The following VIPR1 variants were observed in gnomAD, a reference collection of about 807,000 sequenced individuals.
VIPR1 encodes vasoactive intestinal polypeptide receptor 1.
A neutral mutation model predicts 58.8 loss-of-function variants in VIPR1; 59 were observed. That is an observed-to-expected ratio of 1.00 (90% confidence interval 0.81 to 1.25). VIPR1 has a LOEUF of 1.25. Among genes scored for constraint, VIPR1 ranks in the 50% most tolerant of loss-of-function variants. The probability of loss-of-function intolerance (pLI) is 0.00; values close to 1 mark genes in which losing one functional copy is unlikely to be tolerated. For synonymous variants in VIPR1, 251 were observed against 242.1 expected (o/e 1.04, Z -0.34); for missense variants, 626 against 602.7 (o/e 1.04, Z -0.40).
intron 2 of VIPR1, among the ~76,000 whole-genome samples, chr3:42,514,659 A>T (rs1700537478): frequency 6.6e-6 from 1 of 152,000 alleles, no homozygotes. Context: ...GGCCAGATGA[A>T]CCATCAGCTC....
intron 3 of VIPR1, among the ~76,000 whole-genome samples, chr3:42,519,897 T>C (rs938191429): frequency 1.3e-5 from 2 of 152,150 alleles, no homozygotes; most frequent in South Asian, 2.1e-4. Flanking sequence ...ACAAACACAG[T>C]GGAGAGAGGA....
chr3:42,532,391 T>A, intron 10 of VIPR1, 58 bp downstream of exon 10: 1 of 1,529,350 alleles, frequency 6.5e-7, no homozygotes, highest in Admixed American at 1.7e-5. Flanking sequence ...CCTCAAATCA[T>A]CCCACATCTC....
At position 42,502,747 on chromosome 3, in the gene VIPR1, A is replaced by T; in HGVS notation, c.12A>T (p.Pro4=). 1 of 1,313,312 alleles carries T rather than the reference A, an allele frequency of 7.6e-7. No individual in the cohort carries two copies. Among genetic ancestry groups the T allele is most frequent in the Non-Finnish European group, 9.7e-7 (1 of 1,034,098 alleles). 81.4% of individuals were successfully genotyped at this position (1,313,312 alleles called of 1,614,324 possible). The change falls in exon 1 of 13, where the codon CCA becomes CCT. Residue 4 remains proline (P), a synonymous_variant. Transcript: ENST00000325123. The part of the protein sequence containing the change: MRP[P]SPLPARWLCV... ...GCTCAGGGCAGACCATGCGCCCGCCAAGTCCGCTGCCCGCCCGCTGGCTAT... is the reference window on the plus strand; with the variant it reads ...GCTCAGGGCAGACCATGCGCCCGCCTAGTCCGCTGCCCGCCCGCTGGCTAT...
At chr3:42,523,796 G>T (rs1460247690) in intron 3 of VIPR1, among the ~76,000 whole-genome samples, 1 of 152,056 alleles carries the variant, frequency 6.6e-6, no homozygotes, top group South Asian at 2.1e-4. Flanking sequence ...CAGCTTCAAG[G>T]CTGGGTGATT....
intron 1 of VIPR1, among the ~76,000 whole-genome samples, chr3:42,505,595 G>C (rs1391734475): frequency 6.6e-6 from 1 of 152,208 alleles, no homozygotes; most frequent in Non-Finnish European, 1.5e-5. Flanking sequence ...AGTTAGGCCT[G>C]GCCAGGGCTC....
At chr3:42,503,691 A>C (rs377521) in intron 1 of VIPR1, among the ~76,000 whole-genome samples, 73,844 of 151,918 alleles carry the variant, frequency 0.49, 18,917 homozygotes, top group Admixed American at 0.62. Flanking sequence ...CATTGAGTCT[A>C]CTGAAGCCCA....
chr3:42,528,084 C>T lies in VIPR1; in HGVS notation c.597C>T (p.Leu199=). ...AAAVFIKDLA[L]FDSGESDQCS... Reference sequence around the variant, plus strand: ...CTGTCTTCATCAAAGACTTGGCCCTCTTCGACAGCGGGGAGTCGGACCAGT... The same window carrying T: ...CTGTCTTCATCAAAGACTTGGCCCTTTTCGACAGCGGGGAGTCGGACCAGT... Residue 199 remains leucine (L), a synonymous_variant, in exon 6 of 13, where the codon CTC becomes CTT. Transcript: ENST00000325123. The T allele has an allele frequency of 6.2e-7, 1 of 1,614,082 alleles. No individual in the cohort carries two copies. The highest frequency in any genetic ancestry group is 2.2e-5 in the East Asian group (1 of 44,886).
At chr3:42,519,120 C>T (rs992796261) in intron 2 of VIPR1, 103 bp from the exon 3 acceptor site, 50 of 937,122 alleles carry the variant, frequency 5.3e-5, no homozygotes, top group Non-Finnish European at 7.0e-5. Context: ...GAGGTGGGAG[C>T]CTGGCAGAGG....
At position 42,536,329 on chromosome 3, in the gene VIPR1, C is replaced by G; in HGVS notation, c.*48C>G. 5 of 1,475,920 alleles carry G rather than the reference C, an allele frequency of 3.4e-6. No individual in the cohort carries two copies. Among genetic ancestry groups the G allele is most frequent in the Non-Finnish European group, 4.5e-6 (5 of 1,118,746 alleles). The allele number at this position is 1,475,920 out of a possible 1,614,324, so 91.4% of individuals were successfully genotyped here. A position where few individuals can be genotyped will look rare whatever the true frequency, so the allele number is the denominator to read the frequency against. The stretch of plus-strand genomic sequence containing the variant: ...AGGCGGCCCCTCCCGCCCCTTCCCA[C>G]TCACCCCGGCAGACGCCGGGGACAG... On this transcript the variant is annotated 3_prime_UTR_variant, in exon 13 of 13. Coordinates refer to ENST00000325123, the MANE Select transcript of VIPR1 (RefSeq NM_004624.4).
At chr3:42,526,770 T>C (rs1701252772) in intron 4 of VIPR1, among the ~76,000 whole-genome samples, 1 of 152,142 alleles carries the variant, frequency 6.6e-6, no homozygotes, top group Non-Finnish European at 1.5e-5. Context: ...GTGGCTGTCG[T>C]GCTGCACTGC....
At position 42,530,918 on chromosome 3, in the gene VIPR1, T is replaced by C. The variant is rs1701508224; in HGVS notation, c.776T>C (p.Ile259Thr). Reference sequence around the variant, plus strand: ...GAGCGGAAGTACTTCTGGGGGTACATACTCATCGGCTGGGGTATGGTACCA... The same window carrying C: ...GAGCGGAAGTACTTCTGGGGGTACACACTCATCGGCTGGGGTATGGTACCA... Reference protein sequence around the residue: ...FSERKYFWGYILIGWGVPSTF... With the variant: ...FSERKYFWGYTLIGWGVPSTF... Residue 259 changes from isoleucine (I) to threonine (T), a missense_variant, in exon 7 of 13, where the codon ATA becomes ACA. Ile to Thr is a moderately conservative substitution (Grantham distance 89, BLOSUM62 -1). Transcript: ENST00000325123. 1 of 1,613,906 alleles carries C rather than the reference T, an allele frequency of 6.2e-7. No individual in the cohort carries two copies. The highest frequency in any genetic ancestry group is 8.5e-7 in the Non-Finnish European group (1 of 1,179,932).
chr3:42,529,143 A>G (rs1166533972), intron 6 of VIPR1, among the ~76,000 whole-genome samples: 1 of 152,192 alleles, frequency 6.6e-6, no homozygotes, highest in East Asian at 1.9e-4. Flanking sequence ...AGAAGCACAG[A>G]TAACTGTCCT....
chr3:42,491,097 C>T (rs900194357), intron 1 of VIPR1, among the ~76,000 whole-genome samples: 1 of 152,062 alleles, frequency 6.6e-6, no homozygotes, highest in African/African-American at 2.4e-5. Flanking sequence ...GGAGGATGCC[C>T]GTGCGCAGAA....
At chr3:42,505,348 C>T (rs923176045) in intron 1 of VIPR1, among the ~76,000 whole-genome samples, 2 of 152,268 alleles carry the variant, frequency 1.3e-5, no homozygotes, top group Non-Finnish European at 2.9e-5. Flanking sequence ...GGAGGAGTCC[C>T]AGGGACTGGG....
intron 3 of VIPR1, among the ~76,000 whole-genome samples, chr3:42,522,097 A>T (rs1249088588): frequency 2.3e-5 from 1 of 44,144 alleles, no homozygotes; most frequent in African/African-American, 1.4e-4. Flanking sequence ...ATATATATAT[A>T]TATATTTTTT....
At chr3:42,521,596 C>A (rs1488532778) in intron 3 of VIPR1, 1 of 152,074 alleles carries the variant, frequency 6.6e-6, no homozygotes, top group East Asian at 1.9e-4. Context: ...ACAGGGAAAG[C>A]TAAATAAACC....
intron 3 of VIPR1, among the ~76,000 whole-genome samples, chr3:42,524,338 G>A (rs1326235766): frequency 6.6e-6 from 1 of 152,182 alleles, no homozygotes; most frequent in East Asian, 1.9e-4. Flanking sequence ...ACAGCTGAAG[G>A]CTTTTCTGCT....
intron 1 of VIPR1, among the ~76,000 whole-genome samples, chr3:42,497,012 G>A (rs552703794): frequency 3.3e-5 from 5 of 152,184 alleles, no homozygotes; most frequent in Non-Finnish European, 5.9e-5. Context: ...ATCTCTGGTG[G>A]CATCAATTAT....
intron 1 of VIPR1, chr3:42,507,956 C>CAAAAAAAAAAAAAAAAAAAAAAAAAAAAA (rs58978493): frequency 1.8e-5 from 2 of 109,370 alleles, no homozygotes. Context: ...GTGAGGCTGG[C>CAAAAAAAAAAAAAAAAAAAAAAAAAAAAA]AAAAAAAAAA....
Sources: allele counts gnomAD v4.1 joint callset (sites outside exome capture counted in the v4.1 genomes callset), GRCh38; gene constraint gnomAD v4.1.1; transcripts MANE v1.5; gene names NCBI Gene and HGNC (gene_info 2026-07-23, HGNC 2026-07-21).